Variants in TPRG1 observed in about 807,000 individuals in gnomAD.
TPRG1 encodes the protein tumor protein p63 regulated 1, also known as tumor protein p63-regulated gene 1 protein.
A neutral mutation model predicts 29.3 loss-of-function variants in TPRG1; 29 were observed. The observed-to-expected ratio is 0.99, with a 90% CI of 0.74 to 1.35. The LOEUF is 1.35. Ranked by LOEUF, TPRG1 falls within the 40% of genes most tolerant of loss-of-function variation. The pLI, the probability that TPRG1 is intolerant of heterozygous loss-of-function variation, is 0.00. For synonymous variants in TPRG1, 130 were observed against 116.8 expected (o/e 1.11, Z -0.73); for missense variants, 327 against 335.0 (o/e 0.98, Z 0.19).
chr3:189,105,940 T>C (rs867195747), intron 1 of TPRG1, among the ~76,000 whole-genome samples: 8 of 152,036 alleles, frequency 5.3e-5, no homozygotes, highest in Non-Finnish European at 8.8e-5. Flanking sequence ...AGCTAATGCA[T>C]GCTGGGGTTA....
chr3:189,079,863 A>G (rs1364784332), intron 4 of TPRG1, among the ~76,000 whole-genome samples: 1 of 152,130 alleles, frequency 6.6e-6, no homozygotes, highest in Non-Finnish European at 1.5e-5. Flanking sequence ...CATTCATCTG[A>G]CTCGTAACCA....
At chr3:189,214,367 T>C (rs1033475128) in intron 2 of TPRG1, among the ~76,000 whole-genome samples, 20 of 152,162 alleles carry the variant, frequency 1.3e-4, no homozygotes, top group African/African-American at 4.8e-4. Context: ...TTAAAGAAAG[T>C]ATTATTTTTG....
rs547546334 is a variant in TPRG1, at chr3:189,031,092, C to T, written c.-463+7146C>T. 6.6e-5 allele frequency among the ~76,000 whole-genome samples: 10 copies of T among 152,122 alleles called. No individual in the cohort carries two copies. The South Asian group carries it at 8.3e-4, about 13-fold the overall frequency. The stretch of plus-strand genomic sequence containing the variant: ...CTCAAGCTGTTAGAGACCAGCCTGG[C>T]CAACATGGAGAAACCCCGTCTCTAC... On this transcript the variant is annotated intron_variant, in intron 4 of 10. Transcript: ENST00000433971.
At chr3:189,296,151 A>G (rs1050984685) in intron 4 of TPRG1, among the ~76,000 whole-genome samples, 3 of 152,244 alleles carry the variant, frequency 2.0e-5, no homozygotes, top group Admixed American at 6.5e-5. Context: ...TAAATAAGTC[A>G]TCAGGAGAGT....
intron 1 of TPRG1, among the ~76,000 whole-genome samples, chr3:189,200,367 C>G (rs1454965154): frequency 6.6e-6 from 1 of 152,224 alleles, no homozygotes; most frequent in African/African-American, 2.4e-5. Context: ...ACCGCACATC[C>G]CTCGGCTGTT....
intron 5 of TPRG1, among the ~76,000 whole-genome samples, chr3:189,312,161 CTT>C (rs1560689411): frequency 2.5e-4 from 17 of 67,160 alleles, no homozygotes; most frequent in African/African-American, 6.1e-4. Context: ...TTCTTTCTTT[CTT>C]TCTTTCTTTC....
intron 4 of TPRG1, among the ~76,000 whole-genome samples, chr3:189,284,894 C>T (rs9849563): frequency 5.1e-4 from 77 of 152,252 alleles, no homozygotes; most frequent in Admixed American, 2.0e-3. Flanking sequence ...GACTTCATGT[C>T]TAAAACACCA....
At chr3:189,297,944 C>T (rs560974054) in intron 4 of TPRG1, among the ~76,000 whole-genome samples, 1 of 152,140 alleles carries the variant, frequency 6.6e-6, no homozygotes, top group South Asian at 2.1e-4. Flanking sequence ...AGGGAGGATC[C>T]CAGGTCTCCG....
At chr3:189,189,246 T>TA (rs1731353882) in intron 1 of TPRG1, among the ~76,000 whole-genome samples, 1 of 152,160 alleles carries the variant, frequency 6.6e-6, no homozygotes. Context: ...TTTATTTTTG[T>TA]AAAAACTACG....
At chr3:189,104,147 G>T (rs1162591665) in intron 1 of TPRG1, among the ~76,000 whole-genome samples, 1 of 152,094 alleles carries the variant, frequency 6.6e-6, no homozygotes, top group African/African-American at 2.4e-5. Context: ...GCTCCTGGTA[G>T]ATGCCCCCCA....
At chr3:189,171,653 A>C (rs79994162), upstream of TPRG1, among the ~76,000 whole-genome samples, 1,683 of 152,362 alleles carry the variant, frequency 0.011, 37 homozygotes, top group African/African-American at 0.038. Flanking sequence ...AAATCAAGCC[A>C]TCATAAAGAA....
chr3:189,220,383 A>G (rs924040102), intron 3 of TPRG1, among the ~76,000 whole-genome samples: 6 of 152,150 alleles, frequency 3.9e-5, no homozygotes, highest in African/African-American at 1.4e-4. Flanking sequence ...AAATGCACCA[A>G]ATGTTTTGAT....
chr3:189,144,600 T>C (rs968915981), intron 3 of TPRG1, among the ~76,000 whole-genome samples: 1 of 152,220 alleles, frequency 6.6e-6, no homozygotes, highest in South Asian at 2.1e-4. Context: ...ACTTGCATCT[T>C]ATCACAGGAC....
intron 3 of TPRG1, among the ~76,000 whole-genome samples, chr3:189,023,310 A>G (rs1440065067): frequency 6.6e-6 from 1 of 152,162 alleles, no homozygotes; most frequent in Non-Finnish European, 1.5e-5. Context: ...TTGTGATTGC[A>G]TGGTGAAGTT....
At chr3:189,077,810 T>G (rs1271652351) in intron 4 of TPRG1, among the ~76,000 whole-genome samples, 1 of 152,174 alleles carries the variant, frequency 6.6e-6, no homozygotes, top group African/African-American at 2.4e-5. Flanking sequence ...ATATTTTCTT[T>G]TAGTTGGAGA....
At chr3:189,056,857 T>C (rs1715730429) in intron 4 of TPRG1, among the ~76,000 whole-genome samples, 1 of 152,172 alleles carries the variant, frequency 6.6e-6, no homozygotes, top group Non-Finnish European at 1.5e-5. Flanking sequence ...CTAATCAAAA[T>C]GATGGCTGGT....
chr3:189,032,336 C>A (rs1319437018), intron 4 of TPRG1, among the ~76,000 whole-genome samples: 1 of 152,128 alleles, frequency 6.6e-6, no homozygotes, highest in Non-Finnish European at 1.5e-5. Flanking sequence ...CTAGGGCCTC[C>A]AGAAAGAAAG....
chr3:189,030,524 A>G (rs1228824356), intron 4 of TPRG1, among the ~76,000 whole-genome samples: 1 of 152,210 alleles, frequency 6.6e-6, no homozygotes, highest in Non-Finnish European at 1.5e-5. Flanking sequence ...AATCTACTAA[A>G]AGTAAAATCC....
At chr3:189,048,377 T>C (rs1244247869) in intron 4 of TPRG1, among the ~76,000 whole-genome samples, 1 of 152,212 alleles carries the variant, frequency 6.6e-6, no homozygotes, top group Non-Finnish European at 1.5e-5. Flanking sequence ...AGGCTTTTTG[T>C]TCTATTTAAA....
Sources: gnomAD v4.1 joint callset for allele counts (sites outside exome capture counted in the v4.1 genomes callset) on GRCh38, gnomAD v4.1.1 for gene constraint, MANE v1.5 for transcripts, NCBI Gene and HGNC (gene_info 2026-07-23, HGNC 2026-07-21) for gene names.